Variants in TBK1 observed in about 807,000 individuals in gnomAD.
The protein encoded by TBK1 is TANK binding kinase 1.
In TBK1, 37 loss-of-function variants were observed where a neutral mutation model predicts 99.9. The ratio of observed to expected loss-of-function variants is 0.37; its 90% CI spans 0.28 to 0.49. The LOEUF is 0.49. Ranked by LOEUF, TBK1 falls within the 20% of genes least tolerant of loss-of-function variation. TBK1 has a pLI of 0.98. For missense variants in TBK1, 644 were observed against 872.5 expected (o/e 0.74, Z 3.30); for synonymous variants, 258 against 279.8 (o/e 0.92, Z 0.78).
chr12:64,493,704 T>C (rs2040896473), intron 13 of TBK1, among the ~76,000 whole-genome samples: 1 of 152,090 alleles, frequency 6.6e-6, no homozygotes, highest in African/African-American at 2.4e-5. Context: ...GAAATGCACA[T>C]TTTGGGACCC....
chr12:64,458,229 C>G (rs887399020), intron 2 of TBK1, among the ~76,000 whole-genome samples: 1 of 152,048 alleles, frequency 6.6e-6, no homozygotes, highest in African/African-American at 2.4e-5. Context: ...ATGGCAGTTG[C>G]AACTGTTTAG....
chr12:64,485,782 AT>A, intron 10 of TBK1, 143 bp from the exon 11 acceptor site: 1 of 490,956 alleles, frequency 2.0e-6, no homozygotes. Context: ...ATTTATATCT[AT>A]TTTTAACTCT....
Position 64,501,553 on chromosome 12 carries a change from C to A in TBK1, c.*172C>A. On this transcript the variant is annotated 3_prime_UTR_variant, in exon 21 of 21. Coordinates refer to ENST00000331710, the MANE Select transcript of TBK1 (RefSeq NM_013254.4). Reference sequence around the variant, plus strand: ...TAAAAAATATACAAATTTTTGGCTGCTGTGAAGATGTAATTTTATCTTTTA... The same window carrying A: ...TAAAAAATATACAAATTTTTGGCTGATGTGAAGATGTAATTTTATCTTTTA... 1 of 599,886 alleles carries A rather than the reference C, an allele frequency of 1.7e-6. No homozygotes were observed. Among genetic ancestry groups the A allele is most frequent in the Non-Finnish European group, 2.7e-6 (1 of 363,878 alleles). The allele number at this position is 599,886 out of a possible 1,614,324, so 37.2% of individuals were successfully genotyped here.
At chr12:64,462,539 A>G (rs1462498297) in intron 3 of TBK1, among the ~76,000 whole-genome samples, 1 of 152,212 alleles carries the variant, frequency 6.6e-6, no homozygotes, top group Non-Finnish European at 1.5e-5. Flanking sequence ...AATTATGTAT[A>G]CTTCCCAAAT....
chr12:64,452,696 A>G (rs1335620586), intron 1 of TBK1: 1 of 152,228 alleles, frequency 6.6e-6, no homozygotes, highest in Non-Finnish European at 1.5e-5. Context: ...AGTGATGTTC[A>G]GTCCGCAGAG....
Position 64,453,412 on chromosome 12 carries a change from A to G in TBK1, c.-32+1225A>G, listed in dbSNP as rs143248134. On this transcript the variant is annotated intron_variant, in intron 1 of 20. Coordinates refer to ENST00000331710, the MANE Select transcript of TBK1 (RefSeq NM_013254.4). ...TTGAGACGTTTGTTATTGTATCGTG[A>G]GTGAAATGTAATGACTGGCAAATGT... Among the ~76,000 whole-genome samples the G allele has an allele frequency of 3.5e-3, 539 of 152,330 alleles. 4 individuals are homozygous for G. The highest frequency in any genetic ancestry group is 0.024 in the Middle Eastern group (7 of 294).
chr12:64,478,512 C>T (rs1452897382), intron 6 of TBK1, among the ~76,000 whole-genome samples: 2 of 152,156 alleles, frequency 1.3e-5, no homozygotes, highest in African/African-American at 4.8e-5. Flanking sequence ...TGTAAAAAGA[C>T]AATTATCTAA....
At chr12:64,487,922 C>A (rs2040834597) in intron 11 of TBK1, among the ~76,000 whole-genome samples, 1 of 152,146 alleles carries the variant, frequency 6.6e-6, no homozygotes, top group Non-Finnish European at 1.5e-5. Context: ...AGTTGAGCAT[C>A]CCTAATAAAA....
At chr12:64,496,252 A>G in intron 15 of TBK1, 115 bp from the exon 16 acceptor site, 1 of 448,876 alleles carries the variant, frequency 2.2e-6, no homozygotes, top group Non-Finnish European at 3.9e-6. Flanking sequence ...CCACAAATCT[A>G]TGACATCTGC....
Position 64,480,097 on chromosome 12 carries a change from A to C in TBK1, c.787A>C (p.Met263Leu). The C allele has an allele frequency of 6.2e-7, 1 of 1,612,824 alleles. No individual in the cohort carries two copies. The highest frequency in any genetic ancestry group is 8.5e-7 in the Non-Finnish European group (1 of 1,179,260). The change falls in exon 7 of 21, where the codon ATG (methionine) becomes CTG (leucine). Residue 263 changes from methionine (M) to leucine (L), a missense_variant. Met to Leu is a conservative substitution (Grantham distance 15). Transcript: ENST00000331710. ...ENGPIDWSGD[M>L]PVSCSLSRGL... Reference sequence around the variant, plus strand: ...TGGACCAATTGACTGGAGTGGAGACATGCCTGTTTCTTGCAGTCTTTCTCG... The same window carrying C: ...TGGACCAATTGACTGGAGTGGAGACCTGCCTGTTTCTTGCAGTCTTTCTCG...
chr12:64,480,294 T>A (rs2040756890), intron 7 of TBK1, among the ~76,000 whole-genome samples, 172 bp downstream of exon 7: 1 of 152,216 alleles, frequency 6.6e-6, no homozygotes, highest in African/African-American at 2.4e-5. Context: ...GTGAAAAGAT[T>A]TATTCTCTGC....
chr12:64,484,643 A>T, intron 9 of TBK1, 144 bp downstream of exon 9: 1 of 728,954 alleles, frequency 1.4e-6, no homozygotes, highest in African/African-American at 1.8e-5. Flanking sequence ...TCCCAGCTGC[A>T]TGGGAGGCTG....
At chr12:64,473,590 A>G (rs771067802) in intron 5 of TBK1, among the ~76,000 whole-genome samples, 1 of 152,214 alleles carries the variant, frequency 6.6e-6, no homozygotes, top group Non-Finnish European at 1.5e-5. Context: ...TTGGCCATGT[A>G]TAGGTGCAGT....
At position 64,495,250 on chromosome 12, in the gene TBK1, G is replaced by A. The variant is rs917754578; in HGVS notation, c.1522-233G>A. ...GGTTTTAGAAGGGTGTTTACTGAAT[G>A]AACTGTTTTATAAGATGTATTACTG... On this transcript the variant is annotated intron_variant, in intron 13 of 20. Transcript: ENST00000331710. 2.8e-5 allele frequency: 10 copies of A among 362,850 alleles called. No individual in the cohort carries two copies. In the Admixed American group the frequency reaches 4.0e-4, roughly 14 times the overall value. 22.5% of individuals were successfully genotyped at this position (362,850 alleles called of 1,614,324 possible). A position where few individuals can be genotyped will look rare whatever the true frequency, so the allele number is the denominator to read the frequency against.
At chr12:64,472,340 C>T (rs2040671435) in intron 5 of TBK1, among the ~76,000 whole-genome samples, 1 of 150,974 alleles carries the variant, frequency 6.6e-6, no homozygotes, top group African/African-American at 2.4e-5. Context: ...AGAAGCCCCT[C>T]CCAGCAGCAT....
chr12:64,473,242 C>A (rs1014569221), intron 5 of TBK1, among the ~76,000 whole-genome samples: 4 of 151,996 alleles, frequency 2.6e-5, no homozygotes, highest in Admixed American at 6.6e-5. Context: ...AAGCTCAGGG[C>A]CCAAGGTAGT....
At chr12:64,456,213 T>C (rs1181178430) in intron 2 of TBK1, among the ~76,000 whole-genome samples, 1 of 152,192 alleles carries the variant, frequency 6.6e-6, no homozygotes, top group African/African-American at 2.4e-5. Flanking sequence ...ATTAGTGTTG[T>C]GCCTTTTGAT....
At position 64,497,091 on chromosome 12, in the gene TBK1, C is replaced by G. The variant is rs141680103; in HGVS notation, c.1862+41C>G. Reference sequence around the variant, plus strand: ...TTGGAGTGATTAGTGGTTGACTGCACAATATAAATGTATATTTGAAGTAAG... The same window carrying G: ...TTGGAGTGATTAGTGGTTGACTGCAGAATATAAATGTATATTTGAAGTAAG... On this transcript the variant is annotated intron_variant, in intron 17 of 20. Coordinates refer to ENST00000331710, the MANE Select transcript of TBK1 (RefSeq NM_013254.4). The G allele has an allele frequency of 3.2e-6, 5 of 1,582,708 alleles. No individual in the cohort carries two copies. The Admixed American group carries it at 8.5e-5, about 27-fold the overall frequency.
intron 6 of TBK1, among the ~76,000 whole-genome samples, chr12:64,478,853 T>C (rs749195041): frequency 5.3e-5 from 8 of 152,222 alleles, no homozygotes; most frequent in Non-Finnish European, 8.8e-5. Context: ...TATCAGCCTT[T>C]AAAGCAATGT....
Sources: gnomAD v4.1 joint callset for allele counts (sites outside exome capture counted in the v4.1 genomes callset) on GRCh38, gnomAD v4.1.1 for gene constraint, MANE v1.5 for transcripts, NCBI Gene and HGNC (gene_info 2026-07-23, HGNC 2026-07-21) for gene names.